Variants in BCL2L11 observed in about 807,000 individuals in gnomAD.
The protein encoded by BCL2L11 is BCL2 like 11, also known as bcl-2-like protein 11.
In BCL2L11, 15 loss-of-function variants were observed where a neutral mutation model predicts 20.6. That is an observed-to-expected ratio of 0.73 (90% CI 0.49 to 1.12). The LOEUF (loss-of-function observed/expected upper bound fraction) is 1.12, where lower values mean the gene tolerates loss of function less well. Among genes scored for constraint, BCL2L11 ranks in the 50% most tolerant of loss-of-function variants. The pLI, the probability that BCL2L11 is intolerant of heterozygous loss-of-function variation, is 0.00. For missense variants in BCL2L11, 292 were observed against 260.9 expected, an observed-to-expected ratio of 1.12 and a Z score of -0.82; for synonymous variants, 108 against 92.8, an observed-to-expected ratio of 1.16 and a Z score of -0.94.
In BCL2L11 at chr2:111,165,533, G is replaced by A. The variant is rs2078979399; in HGVS notation, c.*1302G>A. 1 of 152,214 alleles carries A rather than the reference G, an allele frequency of 6.6e-6. No individual in the cohort carries two copies. The highest frequency in any genetic ancestry group is 2.4e-5 in the African/African-American group (1 of 41,430). The allele number at this position is 152,214 out of a possible 1,614,324, so 9.4% of individuals were successfully genotyped here. ...TGTTTTTTTTCATTTTTCCAGGACAGTTGGATATTGTCAGGCCACTTGTGA... is the reference window on the plus strand; with the variant it reads ...TGTTTTTTTTCATTTTTCCAGGACAATTGGATATTGTCAGGCCACTTGTGA... On this transcript the variant is annotated 3_prime_UTR_variant, in exon 4 of 4. Transcript: ENST00000393256.
chr2:111,159,834 G>A (rs971522801), intron 3 of BCL2L11, among the ~76,000 whole-genome samples: 3 of 152,214 alleles, frequency 2.0e-5, no homozygotes, highest in African/African-American at 7.2e-5. Context: ...CCACCCAGAT[G>A]AGCTTGTGCC....
rs2073181716 is a variant in BCL2L11 at position 111,128,563 on chromosome 2, AG to A, written c.394+4427del. 11 of 1,433,030 alleles carry A rather than the reference AG, an allele frequency of 7.7e-6. No individual in the cohort carries two copies. The Admixed American group carries it at 3.0e-4, about 39-fold the overall frequency. The allele number at this position is 1,433,030 out of a possible 1,614,324, so 88.8% of individuals were successfully genotyped here. ...TGTGCCATTTTACATTCCCACCAAC[AG>A]GGCACAAGGGTTCCAGTTTCTCCAC... is the stretch of plus-strand genomic sequence containing the variant. On this transcript the variant is annotated intron_variant, in intron 2 of 3. Coordinates refer to ENST00000393256, the MANE Select transcript of BCL2L11 (RefSeq NM_138621.5).
Position 111,164,342 on chromosome 2 carries a change from G to T in BCL2L11, c.*111G>T. 3.8e-6 allele frequency: 3 copies of T among 796,416 alleles called. No homozygotes were observed. Among genetic ancestry groups the T allele is most frequent in the Middle Eastern group, 2.9e-4 (1 of 3,428 alleles). The allele number at this position is 796,416 out of a possible 1,614,324, so 49.3% of individuals were successfully genotyped here. A position where few individuals can be genotyped will look rare whatever the true frequency, so the allele number is the denominator to read the frequency against. On this transcript the variant is annotated 3_prime_UTR_variant, in exon 4 of 4. Transcript: ENST00000393256. Reference sequence around the variant, plus strand: ...TTATTATGCAGCCAGCGGTTCTCTTGTGGAGGGGGCAGGTGACGTTTCAGA... The same window carrying T: ...TTATTATGCAGCCAGCGGTTCTCTTTTGGAGGGGGCAGGTGACGTTTCAGA...
At chr2:111,145,760 GA>G (rs2076414375) in intron 2 of BCL2L11, among the ~76,000 whole-genome samples, 2 of 152,134 alleles carry the variant, frequency 1.3e-5, no homozygotes, top group South Asian at 4.1e-4. Flanking sequence ...AATGGATTAA[GA>G]ATACTTCATG....
rs748262906 is a variant in BCL2L11 at position 111,123,743 on chromosome 2, C to G, written c.-3C>G. The G allele has an allele frequency of 1.4e-6, 2 of 1,385,564 alleles. No individual in the cohort carries two copies. Among genetic ancestry groups the G allele is most frequent in the Non-Finnish European group, 9.4e-7 (1 of 1,062,752 alleles). The allele number at this position is 1,385,564 out of a possible 1,614,324, so 85.8% of individuals were successfully genotyped here. ...TTATTTTACTTGCAGAAAAAAAGACCAAATGGCAAAGCAACCTTCTGATGT... is the reference window on the plus strand; with the variant it reads ...TTATTTTACTTGCAGAAAAAAAGACGAAATGGCAAAGCAACCTTCTGATGT... On this transcript the variant is annotated 5_prime_UTR_variant, in exon 2 of 4. Transcript: ENST00000393256.
chr2:111,126,526 A>T (rs1476270162), intron 2 of BCL2L11, among the ~76,000 whole-genome samples: 2 of 152,028 alleles, frequency 1.3e-5, no homozygotes, highest in African/African-American at 4.8e-5. Context: ...TTGGGAGAGG[A>T]TGAGTTGGGG....
At chr2:111,134,056 A>G (rs1273330384) in intron 2 of BCL2L11, among the ~76,000 whole-genome samples, 1 of 151,196 alleles carries the variant, frequency 6.6e-6, no homozygotes, top group East Asian at 1.9e-4. Flanking sequence ...CCATCTGCAT[A>G]TGTTGTATTT....
chr2:111,127,353 A>T (rs928774177), intron 2 of BCL2L11, among the ~76,000 whole-genome samples: 1 of 152,024 alleles, frequency 6.6e-6, no homozygotes, highest in Non-Finnish European at 1.5e-5. Flanking sequence ...TCATGTTAGT[A>T]AATGTCTTAA....
chr2:111,155,869 G>A (rs920878738), intron 3 of BCL2L11, among the ~76,000 whole-genome samples: 2 of 152,216 alleles, frequency 1.3e-5, no homozygotes, highest in South Asian at 2.1e-4. Flanking sequence ...GGAATTGATT[G>A]AAGTGCATGT....
In BCL2L11 at chr2:111,123,788, G is replaced by C. The variant is rs776207874; in HGVS notation, c.43G>C (p.Glu15Gln). 2.1e-6 allele frequency: 3 copies of C among 1,452,414 alleles called. No homozygotes were observed. The highest frequency in any genetic ancestry group is 2.7e-6 in the Non-Finnish European group (3 of 1,098,190). 90.0% of individuals were successfully genotyped at this position (1,452,414 alleles called of 1,614,324 possible). Residue 15 changes from glutamate (E) to glutamine (Q), a missense_variant, in exon 2 of 4, where the codon GAA (glutamate) becomes CAA (glutamine). Coordinates refer to ENST00000393256, the MANE Select transcript of BCL2L11 (RefSeq NM_138621.5). ...TGATGTAAGTTCTGAGTGTGACCGA[G>C]AAGGTAGACAATTGCAGCCTGCGGA... The part of the protein sequence containing the change: ...PSDVSSECDR[E>Q]GRQLQPAERP...
intron 1 of BCL2L11, chr2:111,122,602 T>C: frequency 3.0e-6 from 3 of 984,388 alleles, no homozygotes; most frequent in Non-Finnish European, 3.6e-6. Context: ...AGGTCGGCGG[T>C]GCCGGCGGCG....
At chr2:111,144,892 C>T (rs1348860217) in intron 2 of BCL2L11, among the ~76,000 whole-genome samples, 1 of 152,230 alleles carries the variant, frequency 6.6e-6, no homozygotes, top group Non-Finnish European at 1.5e-5. Context: ...GGCCTTCTTT[C>T]TCCTCACACC....
intron 2 of BCL2L11, among the ~76,000 whole-genome samples, chr2:111,137,132 A>C (rs1422789787): frequency 2.6e-5 from 4 of 152,156 alleles, no homozygotes; most frequent in African/African-American, 9.7e-5. Context: ...CTTGTTTTAT[A>C]TTTAGAGTAC....
At chr2:111,128,993 T>G (rs2073306386) in intron 2 of BCL2L11, 1 of 527,116 alleles carries the variant, frequency 1.9e-6, no homozygotes, top group Non-Finnish European at 3.1e-6. Context: ...CAGGCTTGAC[T>G]CTTCCCACTC....
rs956916847 is a variant in BCL2L11, at chr2:111,145,502, T to A, written c.395-4542T>A. On this transcript the variant is annotated intron_variant, in intron 2 of 3. Transcript: ENST00000393256. Reference sequence around the variant, plus strand: ...TATAGATTGACAATCTCTCTTTTTTTAAAAAAAAAAGTTTCCTGCCGTGGC... The same window carrying A: ...TATAGATTGACAATCTCTCTTTTTTAAAAAAAAAAAGTTTCCTGCCGTGGC... 2.6e-4 allele frequency among the ~76,000 whole-genome samples: 39 copies of A among 150,042 alleles called. No individual in the cohort carries two copies. In the East Asian group the frequency reaches 2.9e-3, roughly 11 times the overall value.
intron 1 of BCL2L11, among the ~76,000 whole-genome samples, chr2:111,122,242 G>A (rs998926687): frequency 9.2e-5 from 14 of 152,254 alleles, no homozygotes; most frequent in African/African-American, 2.7e-4. Flanking sequence ...CAAGTGGCGA[G>A]GACTGGGCCT....
chr2:111,121,409 C>T (rs1017079545), intron 1 of BCL2L11, among the ~76,000 whole-genome samples: 61 of 152,348 alleles, frequency 4.0e-4, no homozygotes, highest in African/African-American at 1.1e-3. Context: ...AACCTGCAGG[C>T]TCTTGGCCGA....
intron 2 of BCL2L11, among the ~76,000 whole-genome samples, chr2:111,124,982 GA>G (rs1422838676): frequency 6.6e-6 from 1 of 152,184 alleles, no homozygotes; most frequent in African/African-American, 2.4e-5. Context: ...AGTAGGGTTT[GA>G]ACCAAGAGTG....
At chr2:111,124,232 C>A (rs192454888) in intron 2 of BCL2L11, 93 bp downstream of exon 2, 1 of 1,373,996 alleles carries the variant, frequency 7.3e-7, no homozygotes, top group Non-Finnish European at 9.9e-7. Context: ...TTTTAAAACC[C>A]CGTAACTGAT....
Sources: allele counts gnomAD v4.1 joint callset (sites outside exome capture counted in the v4.1 genomes callset), GRCh38; gene constraint gnomAD v4.1.1; transcripts MANE v1.5; gene names NCBI Gene and HGNC (gene_info 2026-07-23, HGNC 2026-07-21).